Variants in CFAP299 observed in about 807,000 individuals in gnomAD.
CFAP299 encodes cilia and flagella associated protein 299.
A neutral mutation model predicts 27.0 loss-of-function variants in CFAP299; 21 were observed. That is an observed-to-expected ratio of 0.78 (90% CI 0.55 to 1.12). CFAP299 has a LOEUF of 1.12. Among genes scored for constraint, CFAP299 ranks in the 50% most tolerant of loss-of-function variants. CFAP299 has a pLI of 0.00. For missense variants in CFAP299, 310 were observed against 276.6 expected (o/e 1.12, Z -0.86); for synonymous variants, 104 against 98.1 (o/e 1.06, Z -0.36).
intron 3 of CFAP299, among the ~76,000 whole-genome samples, chr4:80,787,479 A>C (rs774403719): frequency 6.6e-6 from 1 of 151,862 alleles, no homozygotes; most frequent in Non-Finnish European, 1.5e-5. Context: ...GAAGCAACTG[A>C]GTCAATTCCT....
At chr4:80,754,263 G>T (rs1725103979) in intron 3 of CFAP299, among the ~76,000 whole-genome samples, 1 of 152,076 alleles carries the variant, frequency 6.6e-6, no homozygotes, top group Admixed American at 6.6e-5. Flanking sequence ...TTCCTAAAGG[G>T]TTTGTTTCAA....
At chr4:80,956,834 T>C (rs2109865023) in intron 5 of CFAP299, among the ~76,000 whole-genome samples, 1 of 152,230 alleles carries the variant, frequency 6.6e-6, no homozygotes, top group East Asian at 1.9e-4. Context: ...TAAAGTATTC[T>C]ATGTGTAGAG....
chr4:80,692,277 C>T (rs1720764725), intron 3 of CFAP299, among the ~76,000 whole-genome samples: 1 of 152,182 alleles, frequency 6.6e-6, no homozygotes, highest in African/African-American at 2.4e-5. Flanking sequence ...AGGCATCACA[C>T]TACCTGACTT....
intron 2 of CFAP299, among the ~76,000 whole-genome samples, chr4:80,454,496 C>G (rs1199122547): frequency 6.6e-6 from 1 of 152,112 alleles, no homozygotes; most frequent in East Asian, 1.9e-4. Context: ...GGCATGAGAA[C>G]CAGCTCACCC....
intron 3 of CFAP299, among the ~76,000 whole-genome samples, chr4:80,766,017 A>G (rs1725842457): frequency 6.6e-6 from 1 of 152,146 alleles, no homozygotes; most frequent in Non-Finnish European, 1.5e-5. Flanking sequence ...CTTGAAAAAA[A>G]TGATAGCTAA....
At chr4:80,664,798 G>A (rs748641601) in intron 3 of CFAP299, among the ~76,000 whole-genome samples, 3 of 152,134 alleles carry the variant, frequency 2.0e-5, no homozygotes, top group Non-Finnish European at 4.4e-5. Flanking sequence ...CCTGCAGCTA[G>A]CTCTGTGTCT....
intron 4 of CFAP299, among the ~76,000 whole-genome samples, chr4:80,939,530 C>A (rs1402715465): frequency 6.6e-6 from 1 of 151,850 alleles, no homozygotes; most frequent in African/African-American, 2.4e-5. Flanking sequence ...TGTTGAATTT[C>A]TCACTTTGTT....
At chr4:80,565,483 AAAAGGG>A (rs2110227189) in intron 2 of CFAP299, among the ~76,000 whole-genome samples, 1 of 152,260 alleles carries the variant, frequency 6.6e-6, no homozygotes, top group African/African-American at 2.4e-5. Flanking sequence ...GGAAGGGAAT[AAAAGGG>A]TAGAAAGGAC....
intron 2 of CFAP299, among the ~76,000 whole-genome samples, chr4:80,561,516 G>C (rs1735033915): frequency 6.6e-6 from 1 of 152,046 alleles, no homozygotes; most frequent in Admixed American, 6.6e-5. Context: ...CTTTCAGACA[G>C]AGAATTCAAA....
intron 3 of CFAP299, among the ~76,000 whole-genome samples, chr4:80,734,276 T>C (rs1218949284): frequency 6.6e-6 from 1 of 152,192 alleles, no homozygotes; most frequent in Admixed American, 6.5e-5. Context: ...TTTTGAGAAA[T>C]GTCTATTCAA....
chr4:80,560,951 T>C (rs1735011310), intron 2 of CFAP299, among the ~76,000 whole-genome samples: 1 of 152,112 alleles, frequency 6.6e-6, no homozygotes, highest in African/African-American at 2.4e-5. Context: ...TGTAGAGCTC[T>C]GAGGTCTTGA....
At chr4:80,406,540 AC>A in intron 2 of CFAP299, among the ~76,000 whole-genome samples, 1 of 152,002 alleles carries the variant, frequency 6.6e-6, no homozygotes, top group Non-Finnish European at 1.5e-5. Flanking sequence ...CATTTTGTTT[AC>A]TTTTTTTAGA....
intron 3 of CFAP299, among the ~76,000 whole-genome samples, chr4:80,631,506 T>A (rs749553517): frequency 6.6e-6 from 1 of 152,144 alleles, no homozygotes; most frequent in Non-Finnish European, 1.5e-5. Flanking sequence ...TTTAATAATT[T>A]GGCATTAATC....
intron 3 of CFAP299, among the ~76,000 whole-genome samples, chr4:80,767,791 C>T (rs1578105366): frequency 6.6e-6 from 1 of 151,836 alleles, no homozygotes; most frequent in Admixed American, 6.6e-5. Context: ...CATCACCTTA[C>T]TTATTTATTT....
At chr4:80,328,227 T>G in the CFAP299 span, among the ~76,000 whole-genome samples, 1 of 152,044 alleles carries the variant, frequency 6.6e-6, no homozygotes, top group Non-Finnish European at 1.5e-5. Context: ...TGACAATAAT[T>G]GAAACAAAAC....
intron 2 of CFAP299, among the ~76,000 whole-genome samples, chr4:80,506,034 A>G (rs1310891692): frequency 6.6e-6 from 1 of 150,644 alleles, no homozygotes; most frequent in Non-Finnish European, 1.5e-5. Context: ...AAAAATAATA[A>G]CTGGCAATTT....
chr4:80,868,692 T>C (rs1732889950), intron 3 of CFAP299, among the ~76,000 whole-genome samples: 1 of 152,120 alleles, frequency 6.6e-6, no homozygotes, highest in South Asian at 2.1e-4. Flanking sequence ...TTTCTTTTCC[T>C]TGCCAGGGCA....
chr4:80,839,221 G>A (rs928680526), intron 3 of CFAP299, among the ~76,000 whole-genome samples: 3 of 152,038 alleles, frequency 2.0e-5, no homozygotes, highest in Admixed American at 6.6e-5. Context: ...TATTTATGGT[G>A]TATTTGTTAA....
At chr4:80,484,223 C>T (rs1390252) in intron 2 of CFAP299, among the ~76,000 whole-genome samples, 58,859 of 151,862 alleles carry the variant, frequency 0.39, 14,326 homozygotes, top group African/African-American at 0.69. Flanking sequence ...GTGAGTACTT[C>T]TAATATTATT....
Sources: gnomAD v4.1 joint callset for allele counts (sites outside exome capture counted in the v4.1 genomes callset) on GRCh38, gnomAD v4.1.1 for gene constraint, MANE v1.5 for transcripts, NCBI Gene and HGNC (gene_info 2026-07-23, HGNC 2026-07-21) for gene names.